DMD: variants seen among roughly 807,000 people sequenced by gnomAD.
The protein encoded by DMD is dystrophin, also known as mutant dystrophin.
A neutral mutation model predicts 330.1 loss-of-function variants in DMD; 63 were observed. The observed-to-expected ratio is 0.19, with a 90% confidence interval of 0.16 to 0.24. DMD has a LOEUF of 0.24. Among genes scored for constraint, DMD ranks in the 10% least tolerant of loss-of-function variants. DMD has a pLI of 1.00. For missense variants in DMD, 3,344 were observed against 2,684.1 expected, an observed-to-expected ratio of 1.25 and a Z score of -5.43; for synonymous variants, 1,223 against 959.8, an observed-to-expected ratio of 1.27 and a Z score of -5.07.
chrX:32,423,541 A>C (rs2098199338), intron 29 of DMD, among the ~76,000 whole-genome samples: 1 of 110,923 alleles, frequency 9.0e-6, no homozygotes, highest in Non-Finnish European at 1.9e-5. Context: ...TCTGGACCCC[A>C]AAAATGCTAA....
chrX:31,126,802 GGAAAA>G, intron 77 of DMD, 129 bp from the exon 78 acceptor site: 1 of 152,929 alleles, frequency 6.5e-6, no homozygotes. Flanking sequence ...ATTCTCTGCT[GGAAAA>G]AAAAAAAAAA....
In DMD at chrX:32,729,747, T is replaced by C. The variant is rs951788340; in HGVS notation, c.650-30454A>G. The stretch of plus-strand genomic sequence containing the variant: ...ACTAAGAAATTCAGAAAACTACATG[T>C]TCTGGTTCTTTAATAATTAAATATG... On this transcript the variant is annotated intron_variant, in intron 7 of 78. Coordinates refer to ENST00000357033, the MANE Select transcript of DMD (RefSeq NM_004006.3). 4.9e-5 allele frequency among the ~76,000 whole-genome samples: 3 copies of C among 60,863 alleles called. No homozygotes were observed. In the African/African-American group the frequency reaches 6.9e-4, roughly 14 times the overall value. 52.9% of individuals were successfully genotyped at this position (60,863 alleles called of 115,157 possible).
At chrX:31,422,229 C>T (rs964631331) in intron 60 of DMD, among the ~76,000 whole-genome samples, 16 of 108,202 alleles carry the variant, frequency 1.5e-4, no homozygotes, top group African/African-American at 5.4e-4. Context: ...AAGCTGGTCT[C>T]GAACTCCTGG....
At chrX:31,561,411 G>C (rs1300157455) in intron 55 of DMD, among the ~76,000 whole-genome samples, 1 of 111,461 alleles carries the variant, frequency 9.0e-6, no homozygotes, top group Non-Finnish European at 1.9e-5. Context: ...CATTGGAGAG[G>C]TCCTAAGGAA....
intron 2 of DMD, among the ~76,000 whole-genome samples, chrX:32,970,385 T>C (rs1198506821): frequency 2.1e-5 from 2 of 94,527 alleles, no homozygotes; most frequent in Non-Finnish European, 4.0e-5. Flanking sequence ...CATGATGTGA[T>C]TATTTCACAT....
intron 55 of DMD, among the ~76,000 whole-genome samples, chrX:31,620,697 G>A (rs1346368710): frequency 9.0e-6 from 1 of 111,236 alleles, no homozygotes; most frequent in Non-Finnish European, 1.9e-5. Context: ...TTATATGCAT[G>A]AGCCACCACG....
At chrX:32,768,492 ATTAT>A (rs1314511820) in intron 7 of DMD, among the ~76,000 whole-genome samples, 2 of 112,224 alleles carry the variant, frequency 1.8e-5, no homozygotes, top group South Asian at 3.7e-4. Flanking sequence ...CATTGTGTAT[ATTAT>A]TTAATTCCCC....
Position 32,491,487 on chromosome X carries a change from G to A in DMD, c.2412C>T (p.Ala804=), listed in dbSNP as rs2042993060. 2 of 1,210,400 alleles carry A rather than the reference G, an allele frequency of 1.7e-6. No individual in the cohort carries two copies. The highest frequency in any genetic ancestry group is 1.8e-5 in the South Asian group (1 of 56,861). The part of the protein sequence containing the change: ...EGVNADSIKQ[A]SEQLNSRWIE... Reference sequence around the variant, plus strand: ...TCCACCGGCTGTTCAGTTGTTCTGAGGCTTGTTTGATGCTATCTGCATTAA... The same window carrying A: ...TCCACCGGCTGTTCAGTTGTTCTGAAGCTTGTTTGATGCTATCTGCATTAA... The change falls in exon 20 of 79, where the codon GCC becomes GCT. Residue 804 remains alanine, a synonymous_variant. Transcript: ENST00000357033.
chrX:32,956,386 C>T (rs1248773823), intron 2 of DMD, among the ~76,000 whole-genome samples: 1 of 111,667 alleles, frequency 9.0e-6, no homozygotes, highest in Non-Finnish European at 1.9e-5. Context: ...TCTTTCACCC[C>T]TCTAGTTAGC....
intron 7 of DMD, among the ~76,000 whole-genome samples, chrX:32,782,263 G>A (rs1279079669): frequency 9.0e-6 from 1 of 111,512 alleles, no homozygotes; most frequent in Non-Finnish European, 1.9e-5. Flanking sequence ...TACAGACTTG[G>A]TGTGTATAGT....
intron 47 of DMD, among the ~76,000 whole-genome samples, chrX:31,890,354 AC>A (rs1322312926): frequency 1.1e-4 from 10 of 93,306 alleles, no homozygotes; most frequent in African/African-American, 2.0e-4. Context: ...TTCAAAAAAA[AC>A]AAAACAAAAA....
At chrX:31,277,163 A>T (rs2052203303) in intron 62 of DMD, among the ~76,000 whole-genome samples, 2 of 111,582 alleles carry the variant, frequency 1.8e-5, no homozygotes, top group South Asian at 7.6e-4. Flanking sequence ...ATTACCTCAT[A>T]TACTTATCAT....
intron 7 of DMD, among the ~76,000 whole-genome samples, chrX:32,716,212 G>C (rs1347216875): frequency 9.0e-6 from 1 of 111,195 alleles, no homozygotes; most frequent in East Asian, 2.9e-4. Context: ...CAAATCTCAT[G>C]TTGAGTTGTG....
chrX:31,824,351 C>A (rs1405091110), intron 49 of DMD, among the ~76,000 whole-genome samples: 1 of 110,603 alleles, frequency 9.0e-6, no homozygotes, highest in African/African-American at 3.3e-5. Flanking sequence ...GCAACCTTTG[C>A]CTCCTGGGTT....
At chrX:32,698,884 G>T (rs1335816458) in intron 8 of DMD, among the ~76,000 whole-genome samples, 4 of 110,666 alleles carry the variant, frequency 3.6e-5, no homozygotes, top group African/African-American at 9.9e-5. Flanking sequence ...CTATGATATG[G>T]TACATATGAA....
chrX:33,115,361 G>C (rs757053810), intron 1 of DMD, among the ~76,000 whole-genome samples: 1 of 111,052 alleles, frequency 9.0e-6, no homozygotes, highest in Non-Finnish European at 1.9e-5. Flanking sequence ...CCATAGACAA[G>C]GGGATAATTT....
rs748581609 is a variant in DMD at position 31,119,829 on chromosome X, A to AT, written c.*2089dup. 8.9e-6 allele frequency: 1 copy of AT among 111,776 alleles called. No individual in the cohort carries two copies. Among genetic ancestry groups the AT allele is most frequent in the African/African-American group, 3.3e-5 (1 of 30,737 alleles). 9.2% of individuals were successfully genotyped at this position (111,776 alleles called of 1,213,427 possible). A position where few individuals can be genotyped will look rare whatever the true frequency, so the allele number is the denominator to read the frequency against. ...AACCAAATCTTCATGTAATTTGGTA[A>AT]TTTGTTACCTTAGAGCTTTGGGTTT... is the stretch of plus-strand genomic sequence containing the variant. On this transcript the variant is annotated 3_prime_UTR_variant, in exon 79 of 79. Transcript: ENST00000357033.
intron 16 of DMD, among the ~76,000 whole-genome samples, chrX:32,560,902 A>G (rs2050926077): frequency 8.9e-6 from 1 of 111,843 alleles, no homozygotes; most frequent in Non-Finnish European, 1.9e-5. Flanking sequence ...ATTAACATAC[A>G]AATGCATGTA....
At chrX:33,079,529 T>C (rs2094895324) in intron 1 of DMD, among the ~76,000 whole-genome samples, 1 of 111,753 alleles carries the variant, frequency 8.9e-6, no homozygotes, top group Non-Finnish European at 1.9e-5. Flanking sequence ...CATATGTCAA[T>C]CATATATTTA....
Sources: allele counts gnomAD v4.1 joint callset (sites outside exome capture counted in the v4.1 genomes callset), GRCh38; gene constraint gnomAD v4.1.1; transcripts MANE v1.5; gene names NCBI Gene and HGNC (gene_info 2026-07-23, HGNC 2026-07-21).